Variants in CLSTN2 observed in about 807,000 individuals in gnomAD.
The protein encoded by CLSTN2 is calsyntenin 2, also known as calsyntenin-2.
Under a neutral mutation model 101.2 loss-of-function variants are expected in CLSTN2, and 48 were observed. That is an observed-to-expected ratio of 0.47 (90% CI 0.38 to 0.60). CLSTN2 has a LOEUF of 0.60. Ranked by LOEUF, CLSTN2 falls within the 20% of genes least tolerant of loss-of-function variation. The probability of loss-of-function intolerance (pLI) is 0.00; values close to 1 mark genes in which losing one functional copy is unlikely to be tolerated. For missense variants in CLSTN2, 1,160 were observed against 1,238.2 expected, an observed-to-expected ratio of 0.94 and a Z score of 0.95; for synonymous variants, 481 against 463.6, an observed-to-expected ratio of 1.04 and a Z score of -0.48.
At chr3:140,284,451 G>C (rs2086878003) in intron 2 of CLSTN2, among the ~76,000 whole-genome samples, 1 of 152,150 alleles carries the variant, frequency 6.6e-6, no homozygotes, top group African/African-American at 2.4e-5. Flanking sequence ...CAAAGAAAAT[G>C]TAAGAGTGAC....
intron 2 of CLSTN2, among the ~76,000 whole-genome samples, chr3:140,388,130 C>A (rs1198886113): frequency 5.9e-5 from 9 of 152,214 alleles, no homozygotes; most frequent in Admixed American, 4.6e-4. Context: ...CCATAAGAAA[C>A]CCACTACAGG....
chr3:140,107,510 T>C (rs1406481536), intron 1 of CLSTN2, among the ~76,000 whole-genome samples: 2 of 152,212 alleles, frequency 1.3e-5, no homozygotes, highest in Non-Finnish European at 2.9e-5. Flanking sequence ...CAGACTCACC[T>C]GGTCCTTTAA....
chr3:140,095,288 G>T (rs1270720514), intron 1 of CLSTN2, among the ~76,000 whole-genome samples: 6 of 152,152 alleles, frequency 3.9e-5, no homozygotes, highest in African/African-American at 1.4e-4. Context: ...AGTTCTTCAG[G>T]AGCTACTGTC....
At chr3:140,122,072 G>A (rs2009350433) in intron 1 of CLSTN2, among the ~76,000 whole-genome samples, 1 of 152,170 alleles carries the variant, frequency 6.6e-6, no homozygotes, top group Non-Finnish European at 1.5e-5. Context: ...CCAATCAGGA[G>A]CAGCATGAAA....
At chr3:140,054,298 G>C (rs1341452984) in intron 1 of CLSTN2, among the ~76,000 whole-genome samples, 2 of 152,148 alleles carry the variant, frequency 1.3e-5, no homozygotes, top group Non-Finnish European at 2.9e-5. Context: ...AGATGCGTTT[G>C]CTTAACCCTA....
At chr3:140,059,925 A>G (rs2008169853) in intron 1 of CLSTN2, among the ~76,000 whole-genome samples, 1 of 152,210 alleles carries the variant, frequency 6.6e-6, no homozygotes, top group Non-Finnish European at 1.5e-5. Flanking sequence ...GGAGTTAAGA[A>G]TAACATCCTA....
intron 1 of CLSTN2, among the ~76,000 whole-genome samples, chr3:140,039,572 G>T (rs954410831): frequency 2.5e-4 from 38 of 152,214 alleles, no homozygotes; most frequent in African/African-American, 9.1e-4. Flanking sequence ...CCATAACCAT[G>T]CATGACATTC....
At chr3:140,566,014 G>A in intron 16 of CLSTN2, 39 bp from the exon 17 acceptor site, 1 of 1,612,788 alleles carries the variant, frequency 6.2e-7, no homozygotes, top group Non-Finnish European at 8.5e-7. Context: ...CCTCTGTTCA[G>A]CCCCTGATGA....
At chr3:140,414,099 A>T (rs2088399115) in intron 4 of CLSTN2, among the ~76,000 whole-genome samples, 1 of 152,152 alleles carries the variant, frequency 6.6e-6, no homozygotes, top group African/African-American at 2.4e-5. Context: ...AGAAAGGAAT[A>T]AGTAAAATTG....
chr3:140,396,492 A>AC (rs2107974024), intron 2 of CLSTN2, among the ~76,000 whole-genome samples: 1 of 152,318 alleles, frequency 6.6e-6, no homozygotes, highest in African/African-American at 2.4e-5. Context: ...ACAATTACAC[A>AC]GTGCTTAGCA....
chr3:140,179,513 G>A (rs543342609), intron 2 of CLSTN2, among the ~76,000 whole-genome samples: 2 of 144,026 alleles, frequency 1.4e-5, no homozygotes, highest in Admixed American at 7.4e-5. Flanking sequence ...CATACCTATA[G>A]TTCCAGCTAC....
chr3:140,017,720 G>A (rs115927282), intron 1 of CLSTN2, among the ~76,000 whole-genome samples: 2,551 of 152,306 alleles, frequency 0.017, 48 homozygotes, highest in Non-Finnish European at 0.021. Context: ...ACATTCTAGA[G>A]GCAACAAAGT....
chr3:140,532,861 A>T (rs935053361), intron 9 of CLSTN2, among the ~76,000 whole-genome samples: 2 of 152,188 alleles, frequency 1.3e-5, no homozygotes, highest in African/African-American at 4.8e-5. Context: ...CTGATCAGGA[A>T]CCAAGGATCT....
chr3:139,938,825 G>A (rs1935073839), intron 1 of CLSTN2, among the ~76,000 whole-genome samples: 1 of 152,162 alleles, frequency 6.6e-6, no homozygotes, highest in East Asian at 1.9e-4. Flanking sequence ...CAATACTCAA[G>A]TATAGACCAT....
Position 140,521,079 on chromosome 3 carries a change from ACATGCTC to A in CLSTN2, c.1345-11243_1345-11237del, listed in dbSNP as rs1935017879. On this transcript the variant is annotated intron_variant, in intron 8 of 16. Coordinates refer to ENST00000458420, the MANE Select transcript of CLSTN2 (RefSeq NM_022131.3). The stretch of plus-strand genomic sequence containing the variant: ...TTTTTTTTTTTTGCATTGAGTTACA[ACATGCTC>A]CTTTAGCTCAGCAAAGTTCATTATT... Among the ~76,000 whole-genome samples, 3 of 148,484 alleles carry A rather than the reference ACATGCTC, an allele frequency of 2.0e-5. No individual in the cohort carries two copies. The South Asian group carries it at 6.4e-4, about 32-fold the overall frequency.
chr3:139,971,326 A>T (rs1167519837), intron 1 of CLSTN2, among the ~76,000 whole-genome samples: 2 of 152,200 alleles, frequency 1.3e-5, no homozygotes, highest in Non-Finnish European at 2.9e-5. Context: ...CAGATAATGA[A>T]ATATCTATTT....
At chr3:140,318,527 AGGGCCCCCTCAGG>A (rs1453328762) in intron 2 of CLSTN2, among the ~76,000 whole-genome samples, 1 of 152,186 alleles carries the variant, frequency 6.6e-6, no homozygotes, top group Non-Finnish European at 1.5e-5. Context: ...GAGATTATCA[AGGGCCCCCTCAGG>A]TCTCAGGCTG....
chr3:140,017,440 G>C (rs895129821), intron 1 of CLSTN2, among the ~76,000 whole-genome samples: 1 of 152,252 alleles, frequency 6.6e-6, no homozygotes, highest in African/African-American at 2.4e-5. Flanking sequence ...CCTGGATATA[G>C]GGATGCTGAG....
intron 1 of CLSTN2, among the ~76,000 whole-genome samples, chr3:139,966,920 C>T (rs1935610593): frequency 6.6e-6 from 1 of 152,158 alleles, no homozygotes; most frequent in Non-Finnish European, 1.5e-5. Context: ...GGGATCATCA[C>T]TCTATCGTGC....
Sources: gnomAD v4.1 joint callset for allele counts (sites outside exome capture counted in the v4.1 genomes callset) on GRCh38, gnomAD v4.1.1 for gene constraint, MANE v1.5 for transcripts, NCBI Gene and HGNC (gene_info 2026-07-23, HGNC 2026-07-21) for gene names.